The following PARP8 variants were observed in gnomAD, a reference collection of about 807,000 sequenced individuals.
The protein encoded by PARP8 is poly(ADP-ribose) polymerase family member 8, also known as protein mono-ADP-ribosyltransferase PARP8.
Under a neutral mutation model 124.1 loss-of-function variants are expected in PARP8, and 51 were observed. The observed-to-expected ratio is 0.41, with a 90% confidence interval of 0.33 to 0.52. The LOEUF (loss-of-function observed/expected upper bound fraction) is 0.52. Ranked by LOEUF, PARP8 falls within the 20% of genes least tolerant of loss-of-function variation. PARP8 has a pLI of 0.21. For synonymous variants in PARP8, 391 were observed against 361.5 expected (o/e 1.08, Z -0.93); for missense variants, 860 against 1,018.9 (o/e 0.84, Z 2.12).
intron 9 of PARP8, among the ~76,000 whole-genome samples, chr5:50,783,983 A>T (rs1190284042): frequency 6.6e-6 from 1 of 152,340 alleles, no homozygotes; most frequent in East Asian, 1.9e-4. Flanking sequence ...ATATTTACAA[A>T]AAGTTGATAT....
At chr5:50,739,726 ATATATATTTTT>A (rs1321993379) in intron 2 of PARP8, among the ~76,000 whole-genome samples, 4 of 105,086 alleles carry the variant, frequency 3.8e-5, no homozygotes, top group East Asian at 3.4e-4. Flanking sequence ...ATATATATAT[ATATATATTTTT>A]TTTTTTTTTT....
intron 2 of PARP8, among the ~76,000 whole-genome samples, chr5:50,679,458 T>G (rs923711762): frequency 1.3e-5 from 2 of 152,204 alleles, no homozygotes; most frequent in Non-Finnish European, 2.9e-5. Flanking sequence ...AGTTGAATTG[T>G]GTTATTGAAA....
chr5:50,674,103 A>T (rs1750345628), intron 2 of PARP8, among the ~76,000 whole-genome samples: 1 of 152,150 alleles, frequency 6.6e-6, no homozygotes, highest in Non-Finnish European at 1.5e-5. Context: ...TATTAACAAG[A>T]CTTACTATCC....
rs71612375 is a variant in PARP8 at position 50,738,715 on chromosome 5, T to TAA, written c.147-11420_147-11419dup. 1.6e-3 allele frequency among the ~76,000 whole-genome samples: 220 copies of TAA among 135,530 alleles called. 1 individual carries two copies. Among genetic ancestry groups the TAA allele is most frequent in the African/African-American group, 4.4e-3 (159 of 35,908 alleles). The allele number at this position is 135,530 out of a possible 152,430, so 88.9% of individuals were successfully genotyped here. ...CTAATGCTAAAGAAAGCTGATAAGT[T>TAA]AAAAAAAAAAAAAAAAAGAAAATAG... On this transcript the variant is annotated intron_variant, in intron 2 of 25. Coordinates refer to ENST00000281631, the MANE Select transcript of PARP8 (RefSeq NM_024615.4).
At chr5:50,706,049 T>C (rs1024841160) in intron 2 of PARP8, among the ~76,000 whole-genome samples, 3 of 152,190 alleles carry the variant, frequency 2.0e-5, no homozygotes, top group African/African-American at 7.2e-5. Flanking sequence ...ATGCTCCTGC[T>C]TAACAATTGC....
intron 14 of PARP8, among the ~76,000 whole-genome samples, chr5:50,803,217 T>G (rs1283369531): frequency 6.6e-6 from 1 of 152,164 alleles, no homozygotes; most frequent in African/African-American, 2.4e-5. Context: ...TGAGGATTCC[T>G]TGTTATGTGA....
At chr5:50,761,700 A>G in intron 5 of PARP8, 121 bp from the exon 6 acceptor site, 1 of 587,700 alleles carries the variant, frequency 1.7e-6, no homozygotes, top group Non-Finnish European at 2.9e-6. Context: ...TACTGCACCA[A>G]GATGTTTTAT....
chr5:50,823,540 T>C (rs143049985), intron 17 of PARP8, among the ~76,000 whole-genome samples: 44 of 152,332 alleles, frequency 2.9e-4, no homozygotes, highest in Admixed American at 1.2e-3. Flanking sequence ...CACTCCTTAT[T>C]TGTATAGGGA....
At chr5:50,733,810 C>G (rs1205482720) in intron 2 of PARP8, among the ~76,000 whole-genome samples, 2 of 152,034 alleles carry the variant, frequency 1.3e-5, no homozygotes, top group African/African-American at 4.8e-5. Context: ...CTTACCAAGC[C>G]AGATTCCCTA....
chr5:50,739,313 G>A (rs1757785499), intron 2 of PARP8, among the ~76,000 whole-genome samples: 1 of 152,010 alleles, frequency 6.6e-6, no homozygotes, highest in Non-Finnish European at 1.5e-5. Context: ...AGGAATGAGT[G>A]GAATGGATAT....
In PARP8 at chr5:50,843,319, G is replaced by C. The variant is rs1470183464; in HGVS notation, c.*1251G>C. 6.6e-6 allele frequency: 1 copy of C among 151,540 alleles called. No homozygotes were observed. Among genetic ancestry groups the C allele is most frequent in the Admixed American group, 6.6e-5 (1 of 15,142 alleles). The allele number at this position is 151,540 out of a possible 1,614,324, so 9.4% of individuals were successfully genotyped here. A position where few individuals can be genotyped will look rare whatever the true frequency, so the allele number is the denominator to read the frequency against. On this transcript the variant is annotated 3_prime_UTR_variant, in exon 26 of 26. Coordinates refer to ENST00000281631, the MANE Select transcript of PARP8 (RefSeq NM_024615.4). ...TTCATGAAAGCAGTTTAATTAGTGA[G>C]TCTGCCACTCTATTCAAACCCTGAA...
chr5:50,714,020 C>G (rs1353638613), intron 2 of PARP8, among the ~76,000 whole-genome samples: 1 of 151,666 alleles, frequency 6.6e-6, no homozygotes, highest in East Asian at 1.9e-4. Flanking sequence ...CCTACCAGAT[C>G]TGTAAGATGA....
At chr5:50,715,130 T>C (rs944688668) in intron 2 of PARP8, among the ~76,000 whole-genome samples, 9 of 152,040 alleles carry the variant, frequency 5.9e-5, no homozygotes, top group African/African-American at 2.2e-4. Flanking sequence ...TGGCAGTGCC[T>C]CCTCTCACTT....
intron 9 of PARP8, among the ~76,000 whole-genome samples, chr5:50,787,553 A>G (rs913314932): frequency 1.7e-4 from 26 of 152,024 alleles, no homozygotes; most frequent in African/African-American, 4.8e-4. Context: ...GCCATCTAGC[A>G]TTGTATCTAT....
chr5:50,793,864 G>C (rs994721977), intron 10 of PARP8, among the ~76,000 whole-genome samples: 2 of 151,898 alleles, frequency 1.3e-5, no homozygotes, highest in African/African-American at 4.8e-5. Flanking sequence ...TGCCACTTCA[G>C]CTCAAGTTGT....
chr5:50,800,475 CAAGAA>C (rs200436519), intron 14 of PARP8, among the ~76,000 whole-genome samples: 1,982 of 152,100 alleles, frequency 0.013, 44 homozygotes, highest in African/African-American at 0.046. Flanking sequence ...TTAGAAGTGG[CAAGAA>C]AAGAAATTTT....
intron 4 of PARP8, 109 bp from the exon 5 acceptor site, chr5:50,760,183 C>A: frequency 1.0e-6 from 1 of 955,592 alleles, no homozygotes; most frequent in Non-Finnish European, 1.4e-6. Context: ...AATTCTTTTT[C>A]AGAGGAGATG....
chr5:50,759,637 T>C lies in PARP8; in HGVS notation c.185-6T>C. On this transcript the variant is annotated splice_polypyrimidine_tract_variant and splice_region_variant and intron_variant, in intron 3 of 25. Transcript: ENST00000281631. ...CTTTCATTATCTTTTTTTTTTTTTT[T>C]TGCAGATAATACATATGTGTCAAGT... is the stretch of plus-strand genomic sequence containing the variant. 1 of 1,528,370 alleles carries C rather than the reference T, an allele frequency of 6.5e-7. No homozygotes were observed. Among genetic ancestry groups the C allele is most frequent in the South Asian group, 1.3e-5 (1 of 75,734 alleles). The allele number at this position is 1,528,370 out of a possible 1,614,324, so 94.7% of individuals were successfully genotyped here.
intron 7 of PARP8, among the ~76,000 whole-genome samples, chr5:50,763,733 T>C (rs6884827): frequency 0.048 from 7,338 of 152,282 alleles, 577 homozygotes; most frequent in African/African-American, 0.17. Context: ...AATTTACACA[T>C]CATTTTTATT....
Sources: gnomAD v4.1 joint callset for allele counts (sites outside exome capture counted in the v4.1 genomes callset) on GRCh38, gnomAD v4.1.1 for gene constraint, MANE v1.5 for transcripts, NCBI Gene and HGNC (gene_info 2026-07-23, HGNC 2026-07-21) for gene names.